Variants in ESR1 observed in about 807,000 individuals in gnomAD.
The protein encoded by ESR1 is estrogen receptor 1.
A neutral mutation model predicts 52.7 loss-of-function variants in ESR1; 12 were observed. That is an observed-to-expected ratio of 0.23 (90% CI 0.15 to 0.37). ESR1 has a LOEUF of 0.37. Ranked by LOEUF, ESR1 falls within the 10% of genes least tolerant of loss-of-function variation. The probability of loss-of-function intolerance (pLI) is 1.00; values close to 1 mark genes in which losing one functional copy is unlikely to be tolerated. For missense variants in ESR1, 584 were observed against 779.7 expected, an observed-to-expected ratio of 0.75 and a Z score of 2.99; for synonymous variants, 305 against 316.8, an observed-to-expected ratio of 0.96 and a Z score of 0.39.
chr6:151,920,301 C>CT (rs11298172), intron 3 of ESR1, among the ~76,000 whole-genome samples: 11,403 of 141,906 alleles, frequency 0.08, 681 homozygotes, highest in African/African-American at 0.18. Context: ...CCCTTGACTG[C>CT]TTTTTTTTTT....
rs574373444 is a variant in ESR1, at chr6:152,123,263, A to G, written c.851-2003A>G. 3.5e-4 allele frequency among the ~76,000 whole-genome samples: 53 copies of G among 152,338 alleles called. 1 individual carries two copies. Among genetic ancestry groups the G allele is most frequent in the South Asian group, 4.1e-4 (2 of 4,832 alleles). The stretch of plus-strand genomic sequence containing the variant: ...CACTGAATCAGCATCAGGCCCTGAC[A>G]TTAGCGGGTTCCAAAGCTGTACGAA... On this transcript the variant is annotated intron_variant, in intron 6 of 6. Coordinates refer to the ESR1 transcript ENST00000427531.
intron 2 of ESR1, among the ~76,000 whole-genome samples, chr6:151,869,993 C>T (rs542142271): frequency 6.6e-6 from 1 of 152,094 alleles, no homozygotes; most frequent in South Asian, 2.1e-4. Flanking sequence ...CATTGAATGT[C>T]CTCACTGGAT....
chr6:151,685,379 C>A lies in ESR1; in HGVS notation n.74-16496C>A, dbSNP rs904269807. 8.6e-5 allele frequency among the ~76,000 whole-genome samples: 13 copies of A among 151,378 alleles called. No individual in the cohort carries two copies. The East Asian group carries it at 2.5e-3, about 30-fold the overall frequency. ...CGATCTCCTGACCTCATGATCCACC[C>A]GCCTCGGCCTCCCAAAGTGCTGGGA... On this transcript the variant is annotated intron_variant and non_coding_transcript_variant, in intron 1 of 2. Coordinates refer to the ESR1 transcript ENST00000473497.
chr6:151,741,982 G>A (rs1029219817), intron 2 of ESR1, among the ~76,000 whole-genome samples: 61 of 151,874 alleles, frequency 4.0e-4, no homozygotes, highest in African/African-American at 1.3e-3. Flanking sequence ...TTCTATTTCC[G>A]TATATTTGAC....
chr6:151,748,264 G>GT lies in ESR1; in HGVS notation c.-71+46267dup, dbSNP rs1180351962. ...GCCCAGACAGCCCCCCAGAATTACA[G>GT]TTTTTTTTCTAGAGTCCTTGAAAGT... On this transcript the variant is annotated intron_variant, in intron 2 of 2. Coordinates refer to the ESR1 transcript ENST00000404742. Among the ~76,000 whole-genome samples, 5 of 152,014 alleles carry GT rather than the reference G, an allele frequency of 3.3e-5. No homozygotes were observed. The East Asian group carries it at 7.7e-4, about 23-fold the overall frequency.
At chr6:152,125,327 C>T (rs2053009123) in exon 7 of ESR1, 1 of 1,550,226 alleles carries the variant, frequency 6.5e-7, no homozygotes, top group Non-Finnish European at 8.7e-7. Context: ...TATTTGGAAA[C>T]AAGTGGTTTC....
At chr6:151,789,033 T>C (rs908683413) in intron 2 of ESR1, among the ~76,000 whole-genome samples, 4 of 152,006 alleles carry the variant, frequency 2.6e-5, no homozygotes, top group Non-Finnish European at 5.9e-5. Flanking sequence ...GATGAAATAA[T>C]CTGTACAACA....
At chr6:152,057,836 T>C (rs924798536) in intron 5 of ESR1, among the ~76,000 whole-genome samples, 2 of 152,096 alleles carry the variant, frequency 1.3e-5, no homozygotes, top group African/African-American at 2.4e-5. Flanking sequence ...AGGTAATAAT[T>C]CCTGGTTAGG....
chr6:151,890,079 TG>T (rs1434453948), intron 3 of ESR1, among the ~76,000 whole-genome samples: 1 of 151,916 alleles, frequency 6.6e-6, no homozygotes, highest in African/African-American at 2.4e-5. Context: ...TGAACTATAC[TG>T]TTTTTTTTCT....
intron 2 of ESR1, among the ~76,000 whole-genome samples, chr6:151,775,032 T>G (rs1327784004): frequency 3.3e-5 from 5 of 152,208 alleles, no homozygotes; most frequent in Non-Finnish European, 5.9e-5. Context: ...TATAGCCCTT[T>G]GACTTGGGGA....
chr6:151,903,516 T>A (rs9340866), intron 3 of ESR1, among the ~76,000 whole-genome samples: 8,820 of 151,324 alleles, frequency 0.058, 426 homozygotes, highest in East Asian at 0.17. Context: ...ATCTTGGGCA[T>A]GCCACAGAAC....
At chr6:151,787,520 T>A (rs1787138406) in intron 2 of ESR1, among the ~76,000 whole-genome samples, 2 of 152,174 alleles carry the variant, frequency 1.3e-5, no homozygotes, top group Admixed American at 1.3e-4. Context: ...TCTGATTTAT[T>A]TGAGCAGGGT....
rs998874520 is a variant in ESR1 at position 152,101,130 on chromosome 6, C to A, written c.*2164C>A. The A allele has an allele frequency of 2.8e-4, 62 of 218,158 alleles. No homozygotes were observed. Among genetic ancestry groups the A allele is most frequent in the Non-Finnish European group, 3.0e-4 (33 of 110,774 alleles). The allele number at this position is 218,158 out of a possible 1,614,324, so 13.5% of individuals were successfully genotyped here. A position where few individuals can be genotyped will look rare whatever the true frequency, so the allele number is the denominator to read the frequency against. On this transcript the variant is annotated 3_prime_UTR_variant, in exon 8 of 8. Coordinates refer to ENST00000206249, the MANE Select transcript of ESR1 (RefSeq NM_000125.4). ...GGTGATTATTCATTTAAATGAAGAT[C>A]ACATTTCATATCAACTTTTGTATCC...
chr6:151,836,702 G>A (rs537647923), intron 1 of ESR1, among the ~76,000 whole-genome samples: 1 of 152,312 alleles, frequency 6.6e-6, no homozygotes, highest in African/African-American at 2.4e-5. Context: ...ATTGGAAATT[G>A]TGGTAAGTGC....
chr6:152,096,464 C>T (rs1351072997), intron 7 of ESR1, among the ~76,000 whole-genome samples: 1 of 152,178 alleles, frequency 6.6e-6, no homozygotes, highest in Non-Finnish European at 1.5e-5. Context: ...AGATGTATCT[C>T]ATTTTCTTTG....
chr6:151,756,538 T>C (rs1233664792), intron 2 of ESR1, among the ~76,000 whole-genome samples: 1 of 152,228 alleles, frequency 6.6e-6, no homozygotes, highest in Non-Finnish European at 1.5e-5. Context: ...ACCTATTTAT[T>C]TGTCTGTCTC....
chr6:151,939,997 T>C (rs1450051485), intron 3 of ESR1, among the ~76,000 whole-genome samples: 1 of 152,188 alleles, frequency 6.6e-6, no homozygotes, highest in East Asian at 1.9e-4. Context: ...TATATATTAG[T>C]CCATTTTCAT....
intron 3 of ESR1, among the ~76,000 whole-genome samples, chr6:151,924,421 T>C (rs910084686): frequency 3.3e-5 from 5 of 152,212 alleles, no homozygotes; most frequent in Admixed American, 6.5e-5. Flanking sequence ...AATTAATTTT[T>C]ATTTTTATTT....
In ESR1 at chr6:152,083,318, G is replaced by T. The variant is rs144752299; in HGVS notation, c.1370-11067G>T. ...GCCTCAGAAATGACACCACACATCT[G>T]CAACCATCTGATCTTTGACAAACCT... On this transcript the variant is annotated intron_variant, in intron 6 of 7. Coordinates refer to ENST00000206249, the MANE Select transcript of ESR1 (RefSeq NM_000125.4). 3.1e-3 allele frequency among the ~76,000 whole-genome samples: 473 copies of T among 152,252 alleles called. 1 individual carries two copies. The highest frequency in any genetic ancestry group is 0.011 in the African/African-American group (453 of 41,554).
Sources: gnomAD v4.1 joint callset for allele counts (sites outside exome capture counted in the v4.1 genomes callset) on GRCh38, gnomAD v4.1.1 for gene constraint, MANE v1.5 for transcripts, NCBI Gene and HGNC (gene_info 2026-07-23, HGNC 2026-07-21) for gene names.